Variants in JARID2 observed in about 807,000 individuals in gnomAD.
The protein encoded by JARID2 is jumonji and AT-rich interaction domain containing 2, also known as protein Jumonji.
In JARID2, 21 loss-of-function variants were observed where a neutral mutation model predicts 125.6. The ratio of observed to expected loss-of-function variants is 0.17; its 90% CI spans 0.12 to 0.24. JARID2 has a LOEUF of 0.24. JARID2 is among the 10% of genes least tolerant of loss of function. The pLI, the probability that JARID2 is intolerant of heterozygous loss-of-function variation, is 1.00. For missense variants in JARID2, 1,303 were observed against 1,639.6 expected (o/e 0.79, Z 3.55); for synonymous variants, 736 against 661.6 (o/e 1.11, Z -1.73).
intron 5 of JARID2, among the ~76,000 whole-genome samples, chr6:15,472,338 C>G (rs1260761028): frequency 6.6e-6 from 1 of 152,132 alleles, no homozygotes; most frequent in Admixed American, 6.5e-5. Flanking sequence ...GAAGCATACC[C>G]AAACCAGCTG....
chr6:15,332,925 CTTTTCTT>C (rs1762757378), intron 1 of JARID2, among the ~76,000 whole-genome samples: 1 of 57,836 alleles, frequency 1.7e-5, no homozygotes, highest in African/African-American at 5.8e-5. Flanking sequence ...CCTTTCTTTT[CTTTTCTT>C]TTCTTTTTTT....
intron 3 of JARID2, among the ~76,000 whole-genome samples, chr6:15,410,703 T>A (rs1354519487): frequency 2.0e-5 from 3 of 152,162 alleles, no homozygotes; most frequent in Non-Finnish European, 4.4e-5. Flanking sequence ...TTAGGTGATG[T>A]TTTGCCATTT....
At chr6:15,469,501 C>CTACCTCCCGGGTAGAGT (rs1768965862) in intron 5 of JARID2, among the ~76,000 whole-genome samples, 1 of 148,800 alleles carries the variant, frequency 6.7e-6, no homozygotes, top group Non-Finnish European at 1.5e-5. Flanking sequence ...GGCGCGATCT[C>CTACCTCCCGGGTAGAGT]GGCTCACTGC....
chr6:15,398,633 A>C (rs894983822), intron 2 of JARID2, among the ~76,000 whole-genome samples: 2 of 152,220 alleles, frequency 1.3e-5, no homozygotes, highest in Admixed American at 6.5e-5. Flanking sequence ...ACTGTGTTTT[A>C]GGAAATATTG....
At chr6:15,305,454 T>G (rs1202586719) in intron 1 of JARID2, among the ~76,000 whole-genome samples, 1 of 152,202 alleles carries the variant, frequency 6.6e-6, no homozygotes, top group African/African-American at 2.4e-5. Context: ...CCACGCTAAA[T>G]TTCATTCCCC....
chr6:15,473,520 C>G (rs1561887620), intron 5 of JARID2, among the ~76,000 whole-genome samples: 1 of 33,798 alleles, frequency 3.0e-5, no homozygotes, highest in Non-Finnish European at 9.5e-5. Context: ...GCGTGCCCCC[C>G]CCCCCCCCCC....
chr6:15,379,327 C>T lies in JARID2; in HGVS notation c.181+5075C>T, dbSNP rs551471531. On this transcript the variant is annotated intron_variant, in intron 2 of 17. Transcript: ENST00000341776. ...TTGCTGATTGTGAGCCTTCTGTCTA[C>T]TTTTTGTTGTAGATAATGCCACTTT... Among the ~76,000 whole-genome samples the T allele has an allele frequency of 2.1e-3, 323 of 152,266 alleles. 1 individual carries two copies. The highest frequency in any genetic ancestry group is 7.4e-3 in the African/African-American group (307 of 41,554).
intron 2 of JARID2, among the ~76,000 whole-genome samples, chr6:15,390,684 T>G (rs1487967301): frequency 6.6e-6 from 1 of 152,182 alleles, no homozygotes; most frequent in Non-Finnish European, 1.5e-5. Context: ...TCTGTAAAAC[T>G]GAAGGAAGAC....
intron 1 of JARID2, among the ~76,000 whole-genome samples, chr6:15,324,138 C>T (rs1266804288): frequency 6.7e-6 from 1 of 150,060 alleles, no homozygotes; most frequent in Non-Finnish European, 1.5e-5. Context: ...AAGATTGGGC[C>T]ACTGCACTCC....
chr6:15,500,765 T>G, intron 7 of JARID2, 142 bp from the exon 8 acceptor site: 2 of 701,016 alleles, frequency 2.9e-6, no homozygotes, highest in South Asian at 1.8e-5. Flanking sequence ...GGACCGGGAG[T>G]CTGCTGTTCA....
At chr6:15,362,012 T>C (rs1419408210) in intron 1 of JARID2, among the ~76,000 whole-genome samples, 2 of 151,296 alleles carry the variant, frequency 1.3e-5, no homozygotes, top group East Asian at 3.9e-4. Context: ...TCTCATGTCT[T>C]AGCCTCCAGA....
At chr6:15,351,934 G>A (rs1181674909) in intron 1 of JARID2, among the ~76,000 whole-genome samples, 1 of 152,184 alleles carries the variant, frequency 6.6e-6, no homozygotes, top group Admixed American at 6.5e-5. Flanking sequence ...TGGCTTGAGA[G>A]ATGGTATTAA....
At position 15,452,030 on chromosome 6, in the gene JARID2, G is replaced by A; in HGVS notation, c.348G>A (p.Lys116=). The change falls in exon 4 of 18, where the codon AAG becomes AAA. Residue 116 remains lysine, a synonymous_variant. Transcript: ENST00000341776. ...GGCCCAGGCTGCAAGCACAAAGGAA[G>A]TTTGCTCAGTCTCAGCCGAATAGTC... is the stretch of plus-strand genomic sequence containing the variant. ...RKRPRLQAQR[K]FAQSQPNSPS... The A allele has an allele frequency of 6.2e-7, 1 of 1,613,466 alleles. No homozygotes were observed. Among genetic ancestry groups the A allele is most frequent in the Non-Finnish European group, 8.5e-7 (1 of 1,179,840 alleles).
intron 2 of JARID2, among the ~76,000 whole-genome samples, chr6:15,381,050 C>G (rs1764562253): frequency 6.6e-6 from 1 of 151,732 alleles, no homozygotes; most frequent in South Asian, 2.1e-4. Flanking sequence ...TTATTATTTT[C>G]TTCTGAAGAC....
chr6:15,405,606 T>C (rs1765616804), intron 2 of JARID2, among the ~76,000 whole-genome samples: 1 of 152,208 alleles, frequency 6.6e-6, no homozygotes, highest in Admixed American at 6.5e-5. Flanking sequence ...GACTGACTCT[T>C]TGGGCCATTC....
At chr6:15,329,273 G>A (rs1762629886) in intron 1 of JARID2, among the ~76,000 whole-genome samples, 1 of 151,872 alleles carries the variant, frequency 6.6e-6, no homozygotes, top group African/African-American at 2.4e-5. Context: ...TCTGGCCTGG[G>A]ATTCTTCTGC....
At chr6:15,425,407 GTAAA>G (rs1766681355) in intron 3 of JARID2, among the ~76,000 whole-genome samples, 1 of 126,542 alleles carries the variant, frequency 7.9e-6, no homozygotes. Flanking sequence ...AAGTAGAGAA[GTAAA>G]TAATTTTTGT....
chr6:15,473,143 G>A (rs1383129554), intron 5 of JARID2, among the ~76,000 whole-genome samples: 3 of 152,240 alleles, frequency 2.0e-5, no homozygotes, highest in African/African-American at 7.2e-5. Context: ...TGTGATAAGT[G>A]CTGAAACATA....
chr6:15,267,948 A>G (rs1760151203), intron 1 of JARID2, among the ~76,000 whole-genome samples: 1 of 151,932 alleles, frequency 6.6e-6, no homozygotes, highest in South Asian at 2.1e-4. Flanking sequence ...TGGGGTTGCA[A>G]CTCCTAAGGC....
Sources: gnomAD v4.1 joint callset for allele counts (sites outside exome capture counted in the v4.1 genomes callset) on GRCh38, gnomAD v4.1.1 for gene constraint, MANE v1.5 for transcripts, NCBI Gene and HGNC (gene_info 2026-07-23, HGNC 2026-07-21) for gene names.